The following NTN4 variants were observed in gnomAD, a reference collection of about 807,000 sequenced individuals.
NTN4 encodes the protein netrin 4.
A neutral mutation model predicts 73.6 loss-of-function variants in NTN4; 32 were observed. The ratio of observed to expected loss-of-function variants is 0.44; its 90% confidence interval spans 0.33 to 0.58. NTN4 has a LOEUF of 0.58. Ranked by LOEUF, NTN4 falls within the 20% of genes least tolerant of loss-of-function variation. The pLI, the probability that NTN4 is intolerant of heterozygous loss-of-function variation, is 0.04. For missense variants in NTN4, 654 were observed against 798.3 expected (o/e 0.82, Z 2.18); for synonymous variants, 258 against 287.5 (o/e 0.90, Z 1.04).
chr12:95,675,548 T>C (rs2078266864), intron 7 of NTN4, among the ~76,000 whole-genome samples: 1 of 152,096 alleles, frequency 6.6e-6, no homozygotes, highest in African/African-American at 2.4e-5. Flanking sequence ...CAGCACATCC[T>C]CAGCTCCAAG....
rs184456211 is a variant in NTN4 at position 95,745,997 on chromosome 12, T to C, written c.586-7853A>G. On this transcript the variant is annotated intron_variant, in intron 2 of 9. Transcript: ENST00000343702. ...GTTCCCTCCCTCCTTCAGGGTGTAA[T>C]GCCCAACCTTGTTTTTACTAACCCT... Among the ~76,000 whole-genome samples the C allele has an allele frequency of 1.0e-3, 152 of 152,326 alleles. 1 individual carries two copies. Among genetic ancestry groups the C allele is most frequent in the East Asian group, 5.8e-4 (3 of 5,186 alleles).
chr12:95,790,933 G>GA (rs1431573033), upstream of NTN4, among the ~76,000 whole-genome samples: 1 of 147,258 alleles, frequency 6.8e-6, no homozygotes, highest in East Asian at 2.1e-4. The surrounding 1 kb of genome is among the most constrained non-coding windows in gnomAD (Gnocchi z 6.5). Flanking sequence ...CCGCCCGGGG[G>GA]GGGGGTCCCC....
Position 95,743,963 on chromosome 12 carries a change from G to A in NTN4, c.586-5819C>T, listed in dbSNP as rs75982291. Among the ~76,000 whole-genome samples the A allele has an allele frequency of 7.8e-3, 1,191 of 152,100 alleles. 18 individuals carry two copies. Among genetic ancestry groups the A allele is most frequent in the African/African-American group, 0.027 (1,118 of 41,474 alleles). ...GTCCCCCAGGCTGGAGGGCAGTAGC[G>A]CGATCTTGGCTCACTGCAACCTCCA... On this transcript the variant is annotated intron_variant, in intron 2 of 9. Transcript: ENST00000343702.
intron 3 of NTN4, among the ~76,000 whole-genome samples, chr12:95,731,401 C>G (rs1190979179): frequency 1.3e-5 from 2 of 152,072 alleles, no homozygotes; most frequent in Non-Finnish European, 2.9e-5. Flanking sequence ...AACCCCATCT[C>G]TACTAAAAAT....
Position 95,789,257 on chromosome 12 carries a change from G to A in NTN4, c.55+998C>T, listed in dbSNP as rs2079190663. 2.0e-5 allele frequency among the ~76,000 whole-genome samples: 3 copies of A among 152,146 alleles called. No individual in the cohort carries two copies. In the East Asian group the frequency reaches 5.8e-4, roughly 29 times the overall value. The stretch of plus-strand genomic sequence containing the variant: ...TTTGCTGGGTGCCAGCGGCCCTCAG[G>A]GAAGAGTGGAAGCCCAAGGGAGGAG... On this transcript the variant is annotated intron_variant, in intron 1 of 9. Transcript: ENST00000343702. The surrounding 1 kb of genome is among the most constrained non-coding windows in gnomAD (Gnocchi z 4.0).
intron 2 of NTN4, among the ~76,000 whole-genome samples, chr12:95,765,480 GC>G: frequency 6.6e-6 from 1 of 152,164 alleles, no homozygotes; most frequent in Non-Finnish European, 1.5e-5. Context: ...GACCCTCAAC[GC>G]TCTTGGAGAC....
chr12:95,734,095 T>C (rs2078758528), intron 3 of NTN4, among the ~76,000 whole-genome samples: 1 of 145,586 alleles, frequency 6.9e-6, no homozygotes, highest in South Asian at 2.2e-4. Flanking sequence ...AAAAAAGGAA[T>C]GTATTAAGGT....
chr12:95,722,316 A>T (rs2078654398), intron 3 of NTN4, among the ~76,000 whole-genome samples: 1 of 152,168 alleles, frequency 6.6e-6, no homozygotes. Flanking sequence ...TGAGTTTAAA[A>T]ATAGTGTTGA....
At chr12:95,733,640 T>C (rs2078754256) in intron 3 of NTN4, among the ~76,000 whole-genome samples, 2 of 152,158 alleles carry the variant, frequency 1.3e-5, no homozygotes, top group Non-Finnish European at 2.9e-5. Context: ...TTGGCTCCAA[T>C]ACCAGGGTCT....
In NTN4 at chr12:95,705,521, A is replaced by G. The variant is rs149662223; in HGVS notation, c.1180+4920T>C. ...CAGGACTTTTTTCAGTTGTCAGAAT[A>G]TGCTATATTCTTTCTTCCTTCTGTT... is the stretch of plus-strand genomic sequence containing the variant. On this transcript the variant is annotated intron_variant, in intron 5 of 9. Transcript: ENST00000343702. Among the ~76,000 whole-genome samples, 402 of 152,204 alleles carry G rather than the reference A, an allele frequency of 2.6e-3. 4 individuals carry two copies. Among genetic ancestry groups the G allele is most frequent in the African/African-American group, 9.3e-3 (384 of 41,512 alleles).
At chr12:95,683,347 C>A (rs937311320) in intron 6 of NTN4, 151 bp downstream of exon 6, 50 of 727,378 alleles carry the variant, frequency 6.9e-5, no homozygotes, top group Non-Finnish European at 1.0e-4. Flanking sequence ...CAGGCGTGAG[C>A]CACCACGCCC....
chr12:95,743,284 T>A (rs1211880261), intron 2 of NTN4, among the ~76,000 whole-genome samples: 3 of 152,196 alleles, frequency 2.0e-5, no homozygotes, highest in Non-Finnish European at 4.4e-5. Flanking sequence ...ATTGTTTTTC[T>A]GTTTTTCTTT....
At chr12:95,676,167 G>A (rs1021934532) in intron 7 of NTN4, among the ~76,000 whole-genome samples, 3 of 152,134 alleles carry the variant, frequency 2.0e-5, no homozygotes, top group Admixed American at 2.0e-4. Context: ...GCAGTAGCCT[G>A]ATCTCACTTT....
intron 1 of NTN4, among the ~76,000 whole-genome samples, chr12:95,787,694 G>A (rs1290997229): frequency 2.6e-5 from 4 of 152,146 alleles, no homozygotes; most frequent in Non-Finnish European, 5.9e-5. Context: ...GTGTGTATTT[G>A]CTTTTCATGT....
chr12:95,738,077 T>G lies in NTN4; in HGVS notation c.653A>C (p.Gln218Pro). 1 of 1,614,164 alleles carries G rather than the reference T, an allele frequency of 6.2e-7. No homozygotes were observed. The highest frequency in any genetic ancestry group is 8.5e-7 in the Non-Finnish European group (1 of 1,179,984). The change falls in exon 3 of 10, where the codon CAG (glutamine) becomes CCG (proline). Residue 218 changes from glutamine (Q) to proline (P), a missense_variant. Gln to Pro is a moderately conservative substitution (Grantham distance 76, BLOSUM62 -1). Coordinates refer to ENST00000343702, the MANE Select transcript of NTN4 (RefSeq NM_021229.4). ...CACGCGAAGGTTGGTGATCTTCAGC[T>G]GCTCCTGAACTTTGGCACTGTAAGG... Reference protein sequence around the residue: ...ENPYSAKVQEQLKITNLRVQL... With the variant: ...ENPYSAKVQEPLKITNLRVQL...
intron 2 of NTN4, among the ~76,000 whole-genome samples, chr12:95,739,024 C>G (rs1323422959): frequency 6.6e-6 from 1 of 152,198 alleles, no homozygotes; most frequent in African/African-American, 2.4e-5. Flanking sequence ...TAGTACTTAT[C>G]ACCATCTGAC....
chr12:95,731,573 A>G (rs2078737573), intron 3 of NTN4, among the ~76,000 whole-genome samples: 1 of 152,064 alleles, frequency 6.6e-6, no homozygotes, highest in Non-Finnish European at 1.5e-5. Flanking sequence ...TAATAAATAA[A>G]TAAATCAGCT....
chr12:95,698,057 G>A (rs1004060488), intron 5 of NTN4, among the ~76,000 whole-genome samples: 1 of 152,152 alleles, frequency 6.6e-6, no homozygotes, highest in Non-Finnish European at 1.5e-5. Context: ...ACAGTATACA[G>A]GGGGGTGTGC....
At chr12:95,749,155 C>T (rs1284537335) in intron 2 of NTN4, among the ~76,000 whole-genome samples, 4 of 152,018 alleles carry the variant, frequency 2.6e-5, no homozygotes, top group South Asian at 4.2e-4. Flanking sequence ...TCCTATAAAA[C>T]GGCCCCACCC....
Sources: allele counts gnomAD v4.1 joint callset (sites outside exome capture counted in the v4.1 genomes callset), GRCh38; gene constraint gnomAD v4.1.1; non-coding constraint Gnocchi (gnomAD v3.1); transcripts MANE v1.5; gene names NCBI Gene and HGNC (gene_info 2026-07-23, HGNC 2026-07-21).